The following SORBS3 variants were observed in gnomAD, a reference collection of about 807,000 sequenced individuals.
SORBS3 encodes vinexin.
In SORBS3, 69 loss-of-function variants were observed where a neutral mutation model predicts 98.0. The observed-to-expected ratio is 0.70, with a 90% CI of 0.58 to 0.86. The LOEUF (loss-of-function observed/expected upper bound fraction) is 0.86, where lower values mean the gene tolerates loss of function less well. Among genes scored for constraint, SORBS3 ranks in the 40% least tolerant of loss-of-function variants. The pLI is 0.00. For missense variants in SORBS3, 954 were observed against 908.5 expected (o/e 1.05, Z -0.64); for synonymous variants, 394 against 355.4 (o/e 1.11, Z -1.22).
At chr8:22,570,260 CAG>C (rs1426954929) in intron 17 of SORBS3, among the ~76,000 whole-genome samples, 4 of 152,156 alleles carry the variant, frequency 2.6e-5, no homozygotes, top group Admixed American at 6.5e-5. Context: ...CAGGAGAGGA[CAG>C]GGGAAGGCAA....
chr8:22,558,254 G>C, intron 5 of SORBS3, 62 bp downstream of exon 5: 1 of 1,517,056 alleles, frequency 6.6e-7, no homozygotes, highest in Non-Finnish European at 9.2e-7. Context: ...GGGGCTTGGA[G>C]AGACAGGGAA....
chr8:22,548,846 G>A (rs1333966689), upstream of SORBS3, among the ~76,000 whole-genome samples: 1 of 152,130 alleles, frequency 6.6e-6, no homozygotes, highest in Non-Finnish European at 1.5e-5. Flanking sequence ...CTTCACTTCA[G>A]TGCTCTTTCC....
At chr8:22,566,988 T>C (rs754802270) in intron 15 of SORBS3, 73 bp from the exon 16 acceptor site, 25 of 1,546,908 alleles carry the variant, frequency 1.6e-5, no homozygotes, top group Non-Finnish European at 2.0e-5. Context: ...CTGGGGTGTG[T>C]TGGGCAGGGT....
At chr8:22,552,293 C>T (rs1840097089) in intron 1 of SORBS3, among the ~76,000 whole-genome samples, 2 of 152,182 alleles carry the variant, frequency 1.3e-5, no homozygotes. Flanking sequence ...CAGTGCCCAC[C>T]CCAGCAGAGC....
Position 22,558,104 on chromosome 8 carries a change from C to G in SORBS3, c.415-25C>G, listed in dbSNP as rs1840221632. The G allele has an allele frequency of 2.5e-6, 4 of 1,613,070 alleles. No individual in the cohort carries two copies. In the East Asian group the frequency reaches 8.9e-5, roughly 36 times the overall value. ...TGGGAGGGTGAATAAGCAGGGAGGA[C>G]TGACTTTGCATTTTCTGATCCCAGA... On this transcript the variant is annotated intron_variant, in intron 4 of 20. Transcript: ENST00000240123.
At chr8:22,556,976 C>T in intron 4 of SORBS3, 68 bp downstream of exon 4, 1 of 1,548,650 alleles carries the variant, frequency 6.5e-7, no homozygotes, top group Non-Finnish European at 8.8e-7. Flanking sequence ...CACTTCTGTG[C>T]ATTAAAATGG....
At position 22,554,654 on chromosome 8, in the gene SORBS3, G is replaced by T; in HGVS notation, c.102+46G>T. ...GAGGGTGTCCTGCGGGCCCGGAGTT[G>T]GTTGGGACGCTAGCAGGTCAGGTGG... On this transcript the variant is annotated intron_variant, in intron 2 of 20. Coordinates refer to ENST00000240123, the MANE Select transcript of SORBS3 (RefSeq NM_005775.5). This position sits in a 1 kb window ranked among gnomAD's most constrained non-coding sequence, Gnocchi z 6.5. The T allele has an allele frequency of 2.6e-6, 4 of 1,563,226 alleles. No individual in the cohort carries two copies. Among genetic ancestry groups the T allele is most frequent in the Non-Finnish European group, 3.5e-6 (4 of 1,157,768 alleles).
At chr8:22,568,729 T>G (rs899051678) in intron 16 of SORBS3, among the ~76,000 whole-genome samples, 1 of 152,192 alleles carries the variant, frequency 6.6e-6, no homozygotes, top group African/African-American at 2.4e-5. Flanking sequence ...ACCGAGACGC[T>G]GGAACCCAGG....
rs149023042 is a variant in SORBS3, at chr8:22,567,088, T to A, written c.1218T>A (p.Ile406=). The A allele has an allele frequency of 9.9e-6, 16 of 1,613,194 alleles. No individual in the cohort carries two copies. The highest frequency in any genetic ancestry group is 1.4e-5 in the Non-Finnish European group (16 of 1,179,608). The change falls in exon 16 of 21, where the codon ATT becomes ATA. Residue 406 remains isoleucine, a synonymous_variant. Coordinates refer to ENST00000240123, the MANE Select transcript of SORBS3 (RefSeq NM_005775.5). ...PKELTLQKGD[I]VYIHKEVDKN... is the part of the protein sequence containing the mutation. ...AGCTGACTCTGCAGAAGGGTGACAT[T>A]GTCTACATCCACAAGGAGGTGGACA...
At chr8:22,562,096 C>T (rs1840309304) in intron 7 of SORBS3, among the ~76,000 whole-genome samples, 165 bp downstream of exon 7, 1 of 152,206 alleles carries the variant, frequency 6.6e-6, no homozygotes, top group Non-Finnish European at 1.5e-5. Context: ...TCTGGGTCTC[C>T]ACCACCCCCA....
At chr8:22,551,442 G>A (rs1172925887), upstream of SORBS3, among the ~76,000 whole-genome samples, 3 of 152,028 alleles carry the variant, frequency 2.0e-5, no homozygotes, top group Non-Finnish European at 2.9e-5. The surrounding 1 kb of genome is among the most constrained non-coding windows in gnomAD (Gnocchi z 5.8). Context: ...TCCTGGCTCC[G>A]CCCGGTTCAT....
intron 16 of SORBS3, 21 bp downstream of exon 16, chr8:22,567,196 C>A: frequency 4.9e-4 from 532 of 1,077,954 alleles, no homozygotes; most frequent in Non-Finnish European, 6.9e-4. Flanking sequence ...GAGACAAGAG[C>A]AAGTGGGGCT....
rs749287850 is a variant in SORBS3 at position 22,564,380 on chromosome 8, GC to G, written c.762+12del. ...GAGACTGGGCAGAGGGTGAGTGCTG[GC>G]TGGCTCTCGGGGTGTGCACGCACCC... is the stretch of plus-strand genomic sequence containing the variant. On this transcript the variant is annotated intron_variant, in intron 9 of 20. Coordinates refer to ENST00000240123, the MANE Select transcript of SORBS3 (RefSeq NM_005775.5). 6 of 1,613,914 alleles carry G rather than the reference GC, an allele frequency of 3.7e-6. No homozygotes were observed. In the South Asian group the frequency reaches 6.6e-5, roughly 18 times the overall value.
At chr8:22,558,051 C>A in intron 4 of SORBS3, 78 bp from the exon 5 acceptor site, 2 of 1,439,842 alleles carry the variant, frequency 1.4e-6, no homozygotes, top group African/African-American at 2.8e-5. Context: ...AAGGGACTCA[C>A]TAGGGAAAGA....
At position 22,565,265 on chromosome 8, in the gene SORBS3, C is replaced by G; in HGVS notation, c.817-3C>G. On this transcript the variant is annotated splice_polypyrimidine_tract_variant and splice_region_variant and intron_variant, in intron 10 of 20. Transcript: ENST00000240123. ...TCACTGCCCAGCCTCTCCCCGCCCCCAGGTGCTGCTGGAGAGAGAGCTGGC... is the reference window on the plus strand; with the variant it reads ...TCACTGCCCAGCCTCTCCCCGCCCCGAGGTGCTGCTGGAGAGAGAGCTGGC... The G allele has an allele frequency of 6.4e-7, 1 of 1,551,480 alleles. No individual in the cohort carries two copies. Among genetic ancestry groups the G allele is most frequent in the African/African-American group, 1.4e-5 (1 of 73,228 alleles).
upstream of SORBS3, among the ~76,000 whole-genome samples, chr8:22,548,877 G>A (rs938143541): frequency 7.9e-5 from 12 of 152,162 alleles, no homozygotes; most frequent in African/African-American, 2.9e-4. Context: ...CATCCTTGGT[G>A]ACAGAGATTG....
intron 16 of SORBS3, among the ~76,000 whole-genome samples, chr8:22,567,530 C>T (rs1275672755): frequency 6.6e-6 from 1 of 152,226 alleles, no homozygotes; most frequent in African/African-American, 2.4e-5. Context: ...ATCACGTATA[C>T]ACGCATAACC....
At chr8:22,561,996 GGC>G in intron 7 of SORBS3, 65 bp downstream of exon 7, 1 of 1,511,018 alleles carries the variant, frequency 6.6e-7, no homozygotes, top group Non-Finnish European at 9.2e-7. Flanking sequence ...CCATGGGACG[GGC>G]GCCCCCTCGT....
In SORBS3 at chr8:22,566,867, A is replaced by G. The variant is rs112615346; in HGVS notation, c.1189A>G (p.Lys397Glu). The G allele has an allele frequency of 6.2e-7, 1 of 1,609,916 alleles. No homozygotes were observed. The highest frequency in any genetic ancestry group is 8.5e-7 in the Non-Finnish European group (1 of 1,178,210). The change falls in exon 15 of 21, where the codon AAG becomes GAG. Residue 397 changes from lysine to glutamate, a missense_variant and splice_region_variant. Physicochemically the swap from Lys to Glu is moderately conservative, Grantham distance 56. Transcript: ENST00000240123. ...GTTTGACTTCCAGGCGCAGTCCCCCAAGTAAGCGCCCTCCTCCCCCTCCCC... is the reference window on the plus strand; with the variant it reads ...GTTTGACTTCCAGGCGCAGTCCCCCGAGTAAGCGCCCTCCTCCCCCTCCCC... ...LKFDFQAQSPKELTLQKGDIV... is the reference protein window; with the variant it reads ...LKFDFQAQSPEELTLQKGDIV...
Sources: gnomAD v4.1 joint callset for allele counts (sites outside exome capture counted in the v4.1 genomes callset) on GRCh38, gnomAD v4.1.1 for gene constraint, Gnocchi (gnomAD v3.1) non-coding constraint, MANE v1.5 for transcripts, NCBI Gene and HGNC (gene_info 2026-07-23, HGNC 2026-07-21) for gene names.